KLF12: variants seen among roughly 807,000 people sequenced by gnomAD.
The protein encoded by KLF12 is Krueppel-like factor 12.
A neutral mutation model predicts 37.8 loss-of-function variants in KLF12; 9 were observed. That is an observed-to-expected ratio of 0.24 (90% confidence interval 0.14 to 0.42). The LOEUF (loss-of-function observed/expected upper bound fraction) is 0.42. Among genes scored for constraint, KLF12 ranks in the 10% least tolerant of loss-of-function variants. The pLI, the probability that KLF12 is intolerant of heterozygous loss-of-function variation, is 1.00. For missense variants in KLF12, 411 were observed against 516.0 expected (o/e 0.80, Z 1.97); for synonymous variants, 208 against 202.1 (o/e 1.03, Z -0.25).
the KLF12 span, among the ~76,000 whole-genome samples, chr13:74,239,717 A>G: frequency 6.8e-5 from 10 of 147,176 alleles, no homozygotes; most frequent in African/African-American, 1.8e-4. Flanking sequence ...GTCTCTTTTG[A>G]TCTTTGTTGG....
the KLF12 span, among the ~76,000 whole-genome samples, chr13:74,199,305 A>G: frequency 6.6e-6 from 1 of 152,224 alleles, no homozygotes; most frequent in Non-Finnish European, 1.5e-5. Flanking sequence ...GACTGCCCCA[A>G]AGAAATGATA....
At chr13:74,104,553 A>G (rs1876546362) in intron 1 of KLF12, among the ~76,000 whole-genome samples, 1 of 152,034 alleles carries the variant, frequency 6.6e-6, no homozygotes, top group Non-Finnish European at 1.5e-5. Context: ...CAGCTTTCTT[A>G]TTTTCTGTTA....
chr13:74,061,468 G>A (rs1252423632), intron 1 of KLF12, among the ~76,000 whole-genome samples: 5 of 152,046 alleles, frequency 3.3e-5, no homozygotes, highest in Admixed American at 6.6e-5. Flanking sequence ...AAAGTGGCAC[G>A]CCAGTTATTG....
Position 73,693,075 on chromosome 13 carries a change from A to G in KLF12, c.*2415T>C, listed in dbSNP as rs1187189127. On this transcript the variant is annotated 3_prime_UTR_variant, in exon 8 of 8. Transcript: ENST00000377669. Reference sequence around the variant, plus strand: ...AAGACATCTTTCAGCAGAGAAAAGAACTGGCTCTTTTTATGAGAGCAAGCA... The same window carrying G: ...AAGACATCTTTCAGCAGAGAAAAGAGCTGGCTCTTTTTATGAGAGCAAGCA... The G allele has an allele frequency of 6.6e-6, 1 of 152,144 alleles. No individual in the cohort carries two copies. 9.4% of individuals were successfully genotyped at this position (152,144 alleles called of 1,614,324 possible). A position where few individuals can be genotyped will look rare whatever the true frequency, so the allele number is the denominator to read the frequency against.
At chr13:73,913,400 G>A (rs1017840180) in intron 3 of KLF12, among the ~76,000 whole-genome samples, 5 of 152,150 alleles carry the variant, frequency 3.3e-5, no homozygotes, top group African/African-American at 7.2e-5. Context: ...CTAGTCCTCG[G>A]GTTTGCCATA....
chr13:74,168,684 A>G, the KLF12 span, among the ~76,000 whole-genome samples: 1 of 152,202 alleles, frequency 6.6e-6, no homozygotes, highest in Non-Finnish European at 1.5e-5. Context: ...TAGAAATGGA[A>G]ATAACGGGTG....
intron 1 of KLF12, among the ~76,000 whole-genome samples, chr13:74,014,895 A>G (rs1892648174): frequency 6.6e-6 from 1 of 152,190 alleles, no homozygotes; most frequent in African/African-American, 2.4e-5. Context: ...TGTTTTTCTA[A>G]GTAAAGCTGT....
the KLF12 span, among the ~76,000 whole-genome samples, chr13:74,169,639 A>C: frequency 6.6e-6 from 1 of 152,234 alleles, no homozygotes; most frequent in Non-Finnish European, 1.5e-5. Context: ...TAACTTTTTG[A>C]AATATTGAAG....
In KLF12 at chr13:73,885,736, C is replaced by T. The variant is rs552014443; in HGVS notation, c.124-39363G>A. On this transcript the variant is annotated intron_variant, in intron 3 of 7. Transcript: ENST00000377669. ...TAATTCAAAGGGAAATGGAAAGGTG[C>T]TGAAAGGTTTTTAAGCTTGGGAGAA... Among the ~76,000 whole-genome samples the T allele has an allele frequency of 2.4e-4, 37 of 152,268 alleles. No homozygotes were observed. In the South Asian group the frequency reaches 7.7e-3, roughly 32 times the overall value.
chr13:74,141,449 G>A, the KLF12 span, among the ~76,000 whole-genome samples: 18 of 152,172 alleles, frequency 1.2e-4, no homozygotes, highest in African/African-American at 4.3e-4. Flanking sequence ...GGGAGGGAGG[G>A]AGATTATGAT....
At chr13:73,833,086 T>G (rs1884250338) in intron 4 of KLF12, among the ~76,000 whole-genome samples, 1 of 152,220 alleles carries the variant, frequency 6.6e-6, no homozygotes, top group African/African-American at 2.4e-5. Context: ...GGAGGCATAA[T>G]TTGTTTCGCC....
At chr13:73,810,982 C>CCTT (rs1555308732) in intron 5 of KLF12, among the ~76,000 whole-genome samples, 19 of 44,814 alleles carry the variant, frequency 4.2e-4, no homozygotes, top group South Asian at 1.4e-3. Context: ...ATTTTTCTTT[C>CCTT]TTTTTTTTTT....
chr13:74,084,229 T>A (rs1446155452), intron 1 of KLF12, among the ~76,000 whole-genome samples: 1 of 152,156 alleles, frequency 6.6e-6, no homozygotes, highest in African/African-American at 2.4e-5. Context: ...AATAAGAGAA[T>A]TGAATCAACC....
intron 1 of KLF12, among the ~76,000 whole-genome samples, chr13:74,042,655 A>G (rs1438166218): frequency 1.3e-5 from 2 of 152,216 alleles, no homozygotes; most frequent in Non-Finnish European, 2.9e-5. Context: ...GAGTCTTAAC[A>G]TCAATTAAGA....
chr13:73,970,875 C>G (rs533237081), intron 2 of KLF12, among the ~76,000 whole-genome samples: 1 of 152,140 alleles, frequency 6.6e-6, no homozygotes, highest in East Asian at 1.9e-4. Context: ...CAAAAGTACC[C>G]ATTTTTAATG....
the KLF12 span, among the ~76,000 whole-genome samples, chr13:74,197,780 A>C: frequency 6.6e-6 from 1 of 152,316 alleles, no homozygotes; most frequent in Middle Eastern, 3.4e-3. Flanking sequence ...CGCAATAAGC[A>C]TTTTATGAAA....
intron 5 of KLF12, among the ~76,000 whole-genome samples, chr13:73,796,527 G>GTGTGTGTGTA (rs1881980429): frequency 1.3e-5 from 2 of 151,126 alleles, no homozygotes; most frequent in Non-Finnish European, 3.0e-5. Flanking sequence ...GTGTGTGTGT[G>GTGTGTGTGTA]TGTGTGTGTG....
chr13:74,241,072 G>T, the KLF12 span, among the ~76,000 whole-genome samples: 2 of 152,104 alleles, frequency 1.3e-5, no homozygotes, highest in Non-Finnish European at 2.9e-5. Context: ...CATCTTTGTG[G>T]TTTTATCTAC....
intron 1 of KLF12, among the ~76,000 whole-genome samples, chr13:73,995,775 C>T (rs1212879758): frequency 2.6e-5 from 4 of 152,066 alleles, no homozygotes; most frequent in Admixed American, 6.6e-5. Context: ...AGACCATTTG[C>T]CCTATTTGGA....
Sources: gnomAD v4.1 joint callset for allele counts (sites outside exome capture counted in the v4.1 genomes callset) on GRCh38, gnomAD v4.1.1 for gene constraint, MANE v1.5 for transcripts, NCBI Gene and HGNC (gene_info 2026-07-23, HGNC 2026-07-21) for gene names.